LRRN2: variants seen among roughly 807,000 people sequenced by gnomAD.
LRRN2 encodes leucine-rich repeat neuronal protein 2.
In LRRN2, 10 loss-of-function variants were observed where a neutral mutation model predicts 35.7. The observed-to-expected ratio is 0.28, with a 90% CI of 0.17 to 0.47. LRRN2 has a LOEUF of 0.47. Ranked by LOEUF, LRRN2 falls within the 20% of genes least tolerant of loss-of-function variation. The pLI, the probability that LRRN2 is intolerant of heterozygous loss-of-function variation, is 0.99. For missense variants in LRRN2, 731 were observed against 940.3 expected (o/e 0.78, Z 2.91); for synonymous variants, 391 against 409.6 (o/e 0.95, Z 0.55).
chr1:204,661,669 C>T (rs559940561), intron 1 of LRRN2, among the ~76,000 whole-genome samples: 8 of 152,300 alleles, frequency 5.3e-5, no homozygotes, highest in South Asian at 2.1e-4. Context: ...ATGGCCTAAG[C>T]GCCATCCTGC....
intron 1 of LRRN2, among the ~76,000 whole-genome samples, chr1:204,679,205 A>G (rs1668886553): frequency 2.0e-5 from 3 of 152,116 alleles, no homozygotes; most frequent in African/African-American, 7.2e-5. Context: ...GGGGAAGAGG[A>G]GTGGTGACAG....
intron 1 of LRRN2, among the ~76,000 whole-genome samples, chr1:204,641,011 A>C (rs1036653788): frequency 1.3e-5 from 2 of 151,742 alleles, no homozygotes; most frequent in African/African-American, 4.8e-5. Flanking sequence ...AAAAGAAAAA[A>C]AAAAAACAAA....
chr1:204,649,587 G>T (rs1242016219), intron 1 of LRRN2, among the ~76,000 whole-genome samples: 1 of 152,188 alleles, frequency 6.6e-6, no homozygotes, highest in East Asian at 1.9e-4. Context: ...CAGGAAAGAA[G>T]ACAGACAATT....
intron 1 of LRRN2, among the ~76,000 whole-genome samples, chr1:204,661,555 G>A (rs12135561): frequency 0.063 from 9,577 of 152,202 alleles, 435 homozygotes; most frequent in Non-Finnish European, 0.093. Context: ...AAGTGCTGTC[G>A]GGAATCTGCA....
At chr1:204,661,905 C>T (rs1668480600) in intron 1 of LRRN2, among the ~76,000 whole-genome samples, 1 of 147,792 alleles carries the variant, frequency 6.8e-6, no homozygotes, top group Non-Finnish European at 1.5e-5. Flanking sequence ...TGCTGCACCC[C>T]TGCACCCCTG....
chr1:204,665,840 A>G (rs1381752697), intron 1 of LRRN2, among the ~76,000 whole-genome samples: 1 of 152,182 alleles, frequency 6.6e-6, no homozygotes, highest in Admixed American at 6.5e-5. Context: ...ATCCTCTGCA[A>G]TTAAACCTCC....
At chr1:204,675,175 C>T (rs921713532) in intron 1 of LRRN2, among the ~76,000 whole-genome samples, 2 of 152,116 alleles carry the variant, frequency 1.3e-5, no homozygotes, top group Admixed American at 6.5e-5. Flanking sequence ...CCAGGCTTCT[C>T]GGAGCCACCG....
intron 1 of LRRN2, 88 bp from the exon 2 acceptor site, chr1:204,620,306 C>A: frequency 1.1e-6 from 1 of 910,858 alleles, no homozygotes. Context: ...GACAGAGTCT[C>A]ATTCTGTCAC....
intron 1 of LRRN2, among the ~76,000 whole-genome samples, chr1:204,635,306 T>C (rs988835941): frequency 6.6e-6 from 1 of 151,988 alleles, no homozygotes; most frequent in East Asian, 1.9e-4. Context: ...TATATTTACA[T>C]ATAAGTAAAT....
rs187281301 is a variant in LRRN2 at position 204,637,942 on chromosome 1, C to T, written c.-226-17724G>A. ...TTTTATTAAATCCCATTGTATTATG[C>T]AGCTCAATTCCCCCAGGAGCTGCGG... is the stretch of plus-strand genomic sequence containing the variant. On this transcript the variant is annotated intron_variant, in intron 1 of 1. Coordinates refer to ENST00000367177, the MANE Select transcript of LRRN2 (RefSeq NM_201630.2). Among the ~76,000 whole-genome samples, 252 of 152,360 alleles carry T rather than the reference C, an allele frequency of 1.7e-3. 2 individuals carry two copies. The highest frequency in any genetic ancestry group is 5.8e-3 in the African/African-American group (241 of 41,588).
intron 1 of LRRN2, among the ~76,000 whole-genome samples, chr1:204,673,657 C>G (rs1274495983): frequency 1.3e-5 from 2 of 152,226 alleles, no homozygotes; most frequent in African/African-American, 2.4e-5. Flanking sequence ...TGCAGCCACA[C>G]AGTAAACCTG....
At chr1:204,670,643 G>A (rs936682069) in intron 1 of LRRN2, among the ~76,000 whole-genome samples, 2 of 152,020 alleles carry the variant, frequency 1.3e-5, no homozygotes, top group Non-Finnish European at 1.5e-5. Flanking sequence ...GATCAAGACG[G>A]GAAGGATGAG....
intron 1 of LRRN2, among the ~76,000 whole-genome samples, chr1:204,638,697 A>G (rs1334478773): frequency 6.6e-6 from 1 of 152,106 alleles, no homozygotes; most frequent in African/African-American, 2.4e-5. Context: ...GGCGTGAGCC[A>G]CCGCGCCCGG....
At chr1:204,672,935 C>T (rs142957866) in intron 1 of LRRN2, among the ~76,000 whole-genome samples, 1 of 152,202 alleles carries the variant, frequency 6.6e-6, no homozygotes, top group Non-Finnish European at 1.5e-5. Flanking sequence ...TCACTGCACA[C>T]CATCCAGACA....
chr1:204,624,801 GTGA>G (rs1667214777), intron 1 of LRRN2, among the ~76,000 whole-genome samples: 1 of 150,800 alleles, frequency 6.6e-6, no homozygotes, highest in South Asian at 2.1e-4. Flanking sequence ...GTGGCAGGTG[GTGA>G]TCGATTGCCT....
chr1:204,658,799 TTATTCGCTTTCA>T (rs1349633482), intron 1 of LRRN2, among the ~76,000 whole-genome samples: 3 of 152,256 alleles, frequency 2.0e-5, no homozygotes, highest in Non-Finnish European at 2.9e-5. Flanking sequence ...CTGACATTTC[TTATTCGCTTTCA>T]TCTCCTCCCC....
chr1:204,673,216 C>A (rs1291216137), intron 1 of LRRN2, among the ~76,000 whole-genome samples: 1 of 152,210 alleles, frequency 6.6e-6, no homozygotes, highest in Non-Finnish European at 1.5e-5. Context: ...TAAATGAAGA[C>A]TATTCTCAAA....
intron 1 of LRRN2, among the ~76,000 whole-genome samples, chr1:204,656,191 G>A (rs1020805350): frequency 6.6e-6 from 1 of 152,218 alleles, no homozygotes; most frequent in African/African-American, 2.4e-5. Context: ...TTACAGGTGT[G>A]AGCCACCACG....
intron 1 of LRRN2, among the ~76,000 whole-genome samples, chr1:204,630,249 T>A (rs1171114560): frequency 6.6e-6 from 1 of 151,416 alleles, no homozygotes; most frequent in Non-Finnish European, 1.5e-5. Context: ...TTAAGGAGGT[T>A]TGGGTTTCCT....
Sources: allele counts gnomAD v4.1 joint callset (sites outside exome capture counted in the v4.1 genomes callset), GRCh38; gene constraint gnomAD v4.1.1; transcripts MANE v1.5; gene names NCBI Gene and HGNC (gene_info 2026-07-23, HGNC 2026-07-21).